Variants in RANBP2 observed in about 807,000 individuals in gnomAD.
RANBP2 encodes RAN binding protein 2, also known as E3 SUMO-protein ligase RanBP2.
Under a neutral mutation model 303.6 loss-of-function variants are expected in RANBP2, and 57 were observed. The observed-to-expected ratio is 0.19, with a 90% CI of 0.15 to 0.23. The LOEUF is 0.23. Among genes scored for constraint, RANBP2 ranks in the 10% least tolerant of loss-of-function variants. The pLI is 1.00. For synonymous variants in RANBP2, 1,167 were observed against 1,301.5 expected (o/e 0.90, Z 2.23); for missense variants, 3,138 against 3,780.8 (o/e 0.83, Z 4.46).
the RANBP2 span, among the ~76,000 whole-genome samples, chr2:109,381,173 C>T: frequency 6.6e-6 from 1 of 152,228 alleles, no homozygotes; most frequent in African/African-American, 2.4e-5. Flanking sequence ...CTACTCAGGA[C>T]TGGAAGTGTG....
chr2:109,677,174 C>A, the RANBP2 span, among the ~76,000 whole-genome samples: 3 of 152,146 alleles, frequency 2.0e-5, no homozygotes, highest in Admixed American at 6.5e-5. Flanking sequence ...CCTTTCCCTG[C>A]CTCCCAGGTA....
chr2:108,761,453 A>G (rs149572289), intron 18 of RANBP2, among the ~76,000 whole-genome samples: 1,928 of 152,270 alleles, frequency 0.013, 50 homozygotes, highest in African/African-American at 0.045. Flanking sequence ...GCAAATGACT[A>G]TTGGTAGTTT....
At chr2:109,326,766 C>T in the RANBP2 span, among the ~76,000 whole-genome samples, 1 of 152,194 alleles carries the variant, frequency 6.6e-6, no homozygotes, top group Non-Finnish European at 1.5e-5. Context: ...GTTCTGGATA[C>T]AGTAACTGTT....
chr2:109,129,458 C>G, the RANBP2 span: 19 of 1,495,212 alleles, frequency 1.3e-5, no homozygotes, highest in African/African-American at 2.9e-5. Context: ...GCTCCCCAGT[C>G]CTGATGCTGG....
the RANBP2 span, among the ~76,000 whole-genome samples, chr2:109,598,022 C>T: frequency 6.6e-6 from 1 of 152,128 alleles, no homozygotes; most frequent in South Asian, 2.1e-4. Context: ...ACCAATGAGC[C>T]TCAGGAAACA....
At chr2:109,637,797 C>T in the RANBP2 span, among the ~76,000 whole-genome samples, 1 of 152,092 alleles carries the variant, frequency 6.6e-6, no homozygotes, top group South Asian at 2.1e-4. Context: ...TTTCTTATGT[C>T]TTCCCTTTCT....
At chr2:109,482,492 G>A in the RANBP2 span, among the ~76,000 whole-genome samples, 1 of 152,146 alleles carries the variant, frequency 6.6e-6, no homozygotes, top group Non-Finnish European at 1.5e-5. Flanking sequence ...AGTTCCTCAG[G>A]GAGTCAGTCT....
chr2:109,075,797 T>C, the RANBP2 span, among the ~76,000 whole-genome samples: 2 of 150,152 alleles, frequency 1.3e-5, no homozygotes, highest in East Asian at 3.9e-4. Flanking sequence ...CCTTAACAGA[T>C]GAGTTACAAA....
At chr2:109,384,314 G>T in the RANBP2 span, among the ~76,000 whole-genome samples, 1 of 152,198 alleles carries the variant, frequency 6.6e-6, no homozygotes, top group African/African-American at 2.4e-5. Flanking sequence ...TACTCTCCGT[G>T]GAGAAAGTAA....
the RANBP2 span, among the ~76,000 whole-genome samples, chr2:109,353,822 C>T: frequency 6.6e-6 from 1 of 152,170 alleles, no homozygotes; most frequent in Admixed American, 6.5e-5. Flanking sequence ...GAGCTGCCGG[C>T]AGTGAGAGGG....
the RANBP2 span, among the ~76,000 whole-genome samples, chr2:109,607,050 TCTAAAATGTCTAGC>T: frequency 6.6e-6 from 1 of 152,226 alleles, no homozygotes; most frequent in Non-Finnish European, 1.5e-5. Context: ...ATTCTTCCTG[TCTAAAATGTCTAGC>T]CTGCTCTTCT....
the RANBP2 span, chr2:108,857,046 C>T: frequency 2.8e-6 from 1 of 354,064 alleles, no homozygotes; most frequent in Non-Finnish European, 5.4e-6. Flanking sequence ...ATGTATAACT[C>T]CACATATCAG....
the RANBP2 span, among the ~76,000 whole-genome samples, chr2:108,937,065 G>T: frequency 8.1e-3 from 1,231 of 152,354 alleles, 11 homozygotes; most frequent in South Asian, 0.029. Flanking sequence ...AAACGTCTTG[G>T]CAAGACCACA....
chr2:109,766,684 G>T, the RANBP2 span, among the ~76,000 whole-genome samples: 1 of 143,244 alleles, frequency 7.0e-6, no homozygotes, highest in African/African-American at 2.7e-5. Context: ...AAGACCTTTG[G>T]CTTAATACAG....
the RANBP2 span, among the ~76,000 whole-genome samples, chr2:108,916,593 C>T: frequency 6.6e-6 from 1 of 152,202 alleles, no homozygotes; most frequent in African/African-American, 2.4e-5. Flanking sequence ...CTGGCACCAA[C>T]TAAACGGTCC....
the RANBP2 span, among the ~76,000 whole-genome samples, chr2:109,678,882 C>T: frequency 6.6e-6 from 1 of 152,186 alleles, no homozygotes; most frequent in Non-Finnish European, 1.5e-5. Flanking sequence ...GAGAGCGGTG[C>T]TCACCAGGTT....
chr2:109,058,565 G>T, the RANBP2 span, among the ~76,000 whole-genome samples: 7 of 152,212 alleles, frequency 4.6e-5, no homozygotes, highest in Non-Finnish European at 1.5e-5. Context: ...TTAGTCCCAA[G>T]CTCATCCAAA....
At chr2:109,609,097 T>A in the RANBP2 span, among the ~76,000 whole-genome samples, 3 of 152,222 alleles carry the variant, frequency 2.0e-5, no homozygotes, top group Non-Finnish European at 2.9e-5. Flanking sequence ...TATGTTATAA[T>A]GAAAATCGGT....
the RANBP2 span, among the ~76,000 whole-genome samples, chr2:109,629,681 C>T: frequency 6.6e-6 from 1 of 151,578 alleles, no homozygotes; most frequent in African/African-American, 2.4e-5. Context: ...CATGGTGGTG[C>T]ATACCTGTCG....
Sources: gnomAD v4.1 joint callset for allele counts (sites outside exome capture counted in the v4.1 genomes callset) on GRCh38, gnomAD v4.1.1 for gene constraint, MANE v1.5 for transcripts, NCBI Gene and HGNC (gene_info 2026-07-23, HGNC 2026-07-21) for gene names.